Variants in RINT1 observed in about 807,000 individuals in gnomAD.
RINT1 encodes RAD50-interacting protein 1.
In RINT1, 75 loss-of-function variants were observed where a neutral mutation model predicts 97.7. The ratio of observed to expected loss-of-function variants is 0.77; its 90% confidence interval spans 0.64 to 0.93. The LOEUF (loss-of-function observed/expected upper bound fraction) is 0.93. Ranked by LOEUF, RINT1 falls within the 40% of genes least tolerant of loss-of-function variation. The pLI is 0.00. For missense variants in RINT1, 892 were observed against 925.2 expected (o/e 0.96, Z 0.47); for synonymous variants, 303 against 326.3 (o/e 0.93, Z 0.77).
At chr7:105,558,396 C>T (rs1343491501) in intron 11 of RINT1, among the ~76,000 whole-genome samples, 1 of 152,174 alleles carries the variant, frequency 6.6e-6, no homozygotes, top group Non-Finnish European at 1.5e-5. Flanking sequence ...CTCAGCACCC[C>T]CACAGCTCCA....
At chr7:105,562,918 AAAAC>A (rs936821244) in intron 11 of RINT1, among the ~76,000 whole-genome samples, 4 of 152,144 alleles carry the variant, frequency 2.6e-5, no homozygotes, top group Admixed American at 6.6e-5. Context: ...AAAAAACAAA[AAAAC>A]AAAACAAAAA....
chr7:105,535,488 A>G, intron 2 of RINT1: 2 of 423,950 alleles, frequency 4.7e-6, no homozygotes, highest in Non-Finnish European at 9.4e-6. Context: ...TCAACCTCCC[A>G]AAGTGCTGAG....
At chr7:105,535,658 C>T in intron 2 of RINT1, 1 of 437,226 alleles carries the variant, frequency 2.3e-6, no homozygotes, top group Non-Finnish European at 4.6e-6. Flanking sequence ...GCTGCTCAAG[C>T]AATCCTCCCA....
intron 11 of RINT1, among the ~76,000 whole-genome samples, chr7:105,557,415 G>A (rs1791228480): frequency 6.6e-6 from 1 of 152,034 alleles, no homozygotes; most frequent in Non-Finnish European, 1.5e-5. Flanking sequence ...GAGTCACAAA[G>A]ATGGACAAGA....
chr7:105,538,441 T>C (rs952497023), intron 3 of RINT1, among the ~76,000 whole-genome samples: 1 of 152,210 alleles, frequency 6.6e-6, no homozygotes, highest in South Asian at 2.1e-4. Context: ...CTACTGCTAG[T>C]CTTCAAGTTT....
At chr7:105,556,886 A>G (rs62486996) in intron 11 of RINT1, among the ~76,000 whole-genome samples, 12,274 of 152,266 alleles carry the variant, frequency 0.081, 541 homozygotes, top group East Asian at 0.12. Flanking sequence ...CTTGACATAG[A>G]CAGATGAATT....
At chr7:105,540,960 C>G (rs534636243) in intron 3 of RINT1, among the ~76,000 whole-genome samples, 1 of 151,808 alleles carries the variant, frequency 6.6e-6, no homozygotes, top group East Asian at 1.9e-4. Flanking sequence ...CCTCAGCCTC[C>G]CAAAGTGCTG....
rs1332871809 is a variant in RINT1 at position 105,548,557 on chromosome 7, T to C, written c.843T>C (p.Asp281=). Residue 281 remains aspartate (D), a synonymous_variant, in exon 7 of 15, where the codon GAT becomes GAC. Transcript: ENST00000257700. ...FCQLLKLQTS[D]ELLTEPKQLP... ...TTCCTTGACTTGATTATGTCAGAGA[T>C]GAATTACTTACTGAGCCAAAGCAAC... 6.2e-7 allele frequency: 1 copy of C among 1,614,110 alleles called. No homozygotes were observed. Among genetic ancestry groups the C allele is most frequent in the Non-Finnish European group, 8.5e-7 (1 of 1,179,950 alleles).
At chr7:105,559,556 A>G (rs1163839438) in intron 11 of RINT1, among the ~76,000 whole-genome samples, 33 of 149,536 alleles carry the variant, frequency 2.2e-4, no homozygotes, top group African/African-American at 7.2e-4. Context: ...AAAAAAAAAA[A>G]AAAAAAAAAA....
chr7:105,536,269 G>A (rs529448246), intron 2 of RINT1, among the ~76,000 whole-genome samples: 2 of 151,990 alleles, frequency 1.3e-5, no homozygotes, highest in East Asian at 1.9e-4. Flanking sequence ...AGGGATTCTC[G>A]TGCCTCAGCC....
At position 105,546,948 on chromosome 7, in the gene RINT1, C is replaced by T. The variant is rs774983645; in HGVS notation, c.554C>T (p.Pro185Leu). 14 of 1,612,196 alleles carry T rather than the reference C, an allele frequency of 8.7e-6. No homozygotes were observed. Among genetic ancestry groups the T allele is most frequent in the East Asian group, 2.2e-5 (1 of 44,892 alleles). ...CAATATCTGATGACCAATAATGTAC[C>T]GGAGGCAGCCTCCACTCTAGTGTCT... ...IQQYLMTNNV[P>L]EAASTLVSMA... The change falls in exon 5 of 15, where the codon CCG becomes CTG. Residue 185 changes from proline to leucine, a missense_variant. Pro to Leu is a moderately conservative substitution (Grantham distance 98, BLOSUM62 -3). Transcript: ENST00000257700.
chr7:105,536,504 A>G (rs1444218211), intron 2 of RINT1, 61 bp from the exon 3 acceptor site: 1 of 1,240,216 alleles, frequency 8.1e-7, no homozygotes, highest in Non-Finnish European at 1.1e-6. Context: ...TATATGTTTT[A>G]TATTTTCTTT....
Position 105,567,625 on chromosome 7 carries a change from G to T in RINT1, c.*314G>T. On this transcript the variant is annotated 3_prime_UTR_variant, in exon 15 of 15. Transcript: ENST00000257700. ...CTTTCAATTTCCTGTGCTAATTAAG[G>T]GAAATTCTGTTGTGGATAATCAAAC... 2 of 548,108 alleles carry T rather than the reference G, an allele frequency of 3.6e-6. No individual in the cohort carries two copies. Among genetic ancestry groups the T allele is most frequent in the East Asian group, 2.9e-5 (1 of 34,276 alleles). 34.0% of individuals were successfully genotyped at this position (548,108 alleles called of 1,614,324 possible). A position where few individuals can be genotyped will look rare whatever the true frequency, so the allele number is the denominator to read the frequency against.
At chr7:105,559,254 G>T (rs1791320601) in intron 11 of RINT1, among the ~76,000 whole-genome samples, 1 of 151,796 alleles carries the variant, frequency 6.6e-6, no homozygotes, top group African/African-American at 2.4e-5. Context: ...AAATTAGCCA[G>T]GCGTGGCTGG....
At position 105,547,059 on chromosome 7, in the gene RINT1, A is replaced by G. The variant is rs778807901; in HGVS notation, c.665A>G (p.Lys222Arg). Residue 222 changes from lysine to arginine, a missense_variant, in exon 5 of 15, where the codon AAA (lysine) becomes AGA (arginine). By Grantham distance (26) the Lys-to-Arg change is conservative. Coordinates refer to ENST00000257700, the MANE Select transcript of RINT1 (RefSeq NM_021930.6). ...FMRATVKFWH[K>R]ILKDKLTSDF... ...AGAGCCACAGTTAAATTCTGGCATA[A>G]AATTCTCAAGGACAAGCTTACAAGG... 6.2e-7 allele frequency: 1 copy of G among 1,613,852 alleles called. No homozygotes were observed. The highest frequency in any genetic ancestry group is 1.1e-5 in the South Asian group (1 of 90,930).
rs111999057 is a variant in RINT1, at chr7:105,564,728, C to A, written c.1887-549C>A. ...TAAAATGCTAAAATCAGGCTGGGTG[C>A]AGTGGCTCACACCTGTAATCCCAGC... On this transcript the variant is annotated intron_variant, in intron 12 of 14. Coordinates refer to ENST00000257700, the MANE Select transcript of RINT1 (RefSeq NM_021930.6). 5.6e-3 allele frequency among the ~76,000 whole-genome samples: 856 copies of A among 152,264 alleles called. 7 individuals carry two copies. The highest frequency in any genetic ancestry group is 0.02 in the African/African-American group (822 of 41,538).
At position 105,551,705 on chromosome 7, in the gene RINT1, C is replaced by A; in HGVS notation, c.1469C>A (p.Thr490Asn). ...TTTATGACTCTACTCTTGGTTATAA[C>A]TGGTAAGTATGTCTTTTAAGATATG... is the stretch of plus-strand genomic sequence containing the variant. ...ETFMTLLLVI[T>N]DRYKNLPTAS... The change falls in exon 10 of 15, where the codon ACT (threonine) becomes AAT (asparagine). Residue 490 changes from threonine to asparagine, a missense_variant and splice_region_variant. Thr to Asn is a moderately conservative substitution (Grantham distance 65). Coordinates refer to ENST00000257700, the MANE Select transcript of RINT1 (RefSeq NM_021930.6). The A allele has an allele frequency of 6.3e-7, 1 of 1,591,140 alleles. No individual in the cohort carries two copies. The highest frequency in any genetic ancestry group is 8.5e-7 in the Non-Finnish European group (1 of 1,170,860).
intron 3 of RINT1, among the ~76,000 whole-genome samples, chr7:105,540,497 A>G (rs532554031): frequency 1.1e-4 from 16 of 152,154 alleles, no homozygotes; most frequent in African/African-American, 3.6e-4. Context: ...CCTTACCTCA[A>G]GTGATCCACC....
intron 6 of RINT1, among the ~76,000 whole-genome samples, chr7:105,548,064 G>A (rs1481401324): frequency 6.6e-6 from 1 of 151,612 alleles, no homozygotes; most frequent in Admixed American, 6.6e-5. Flanking sequence ...GTCTCACTTT[G>A]TCACCCAGGC....
Sources: gnomAD v4.1 joint callset for allele counts (sites outside exome capture counted in the v4.1 genomes callset) on GRCh38, gnomAD v4.1.1 for gene constraint, MANE v1.5 for transcripts, NCBI Gene and HGNC (gene_info 2026-07-23, HGNC 2026-07-21) for gene names.